Variants in PPP3CA observed in about 807,000 individuals in gnomAD.
PPP3CA encodes the protein CAM-PRP catalytic subunit.
PPP3CA carries 14 observed loss-of-function variants against 66.5 expected under a neutral mutation model. The observed-to-expected ratio is 0.21, with a 90% CI of 0.14 to 0.33. The LOEUF is 0.33. Among genes scored for constraint, PPP3CA ranks in the 10% least tolerant of loss-of-function variants. The probability of loss-of-function intolerance (pLI) is 1.00; values close to 1 mark genes in which losing one functional copy is unlikely to be tolerated. For missense variants in PPP3CA, 317 were observed against 639.5 expected (o/e 0.50, Z 5.44); for synonymous variants, 232 against 226.2 (o/e 1.03, Z -0.23).
chr4:101,340,201 A>C (rs1729770135), intron 1 of PPP3CA, among the ~76,000 whole-genome samples: 1 of 152,164 alleles, frequency 6.6e-6, no homozygotes, highest in African/African-American at 2.4e-5. Flanking sequence ...GACACAAGCA[A>C]AATTTCCAGT....
At chr4:101,199,094 G>A (rs1340302555) in intron 1 of PPP3CA, among the ~76,000 whole-genome samples, 6 of 152,070 alleles carry the variant, frequency 3.9e-5, no homozygotes, top group East Asian at 1.9e-4. Context: ...AATAAGACTG[G>A]GCTAATATTT....
chr4:101,229,844 T>C (rs1327441056), intron 1 of PPP3CA, among the ~76,000 whole-genome samples: 1 of 151,534 alleles, frequency 6.6e-6, no homozygotes, highest in Non-Finnish European at 1.5e-5. Flanking sequence ...GTAGCAGTTG[T>C]TTTTAAGGCA....
chr4:101,346,551 G>A (rs1009969270), intron 1 of PPP3CA, among the ~76,000 whole-genome samples, 188 bp downstream of exon 1: 1 of 152,068 alleles, frequency 6.6e-6, no homozygotes, highest in African/African-American at 2.4e-5. Context: ...TGGGACGCGT[G>A]GGGGAAGGGC....
At chr4:101,180,515 C>T (rs901277711) in intron 2 of PPP3CA, among the ~76,000 whole-genome samples, 3 of 152,058 alleles carry the variant, frequency 2.0e-5, no homozygotes, top group African/African-American at 7.2e-5. Context: ...GTTGTATTTC[C>T]TATTATTTAT....
At chr4:101,226,981 T>C (rs1303646686) in intron 1 of PPP3CA, among the ~76,000 whole-genome samples, 1 of 151,760 alleles carries the variant, frequency 6.6e-6, no homozygotes, top group Admixed American at 6.6e-5. Flanking sequence ...GGTACAAATG[T>C]TTATAGTTCT....
intron 10 of PPP3CA, among the ~76,000 whole-genome samples, chr4:101,043,704 C>A (rs931076083): frequency 1.3e-4 from 20 of 152,080 alleles, no homozygotes; most frequent in Non-Finnish European, 2.1e-4. Flanking sequence ...GAAACCCCGT[C>A]TCTACTAAAA....
At chr4:101,114,015 T>C (rs1163347682) in intron 2 of PPP3CA, among the ~76,000 whole-genome samples, 1 of 152,148 alleles carries the variant, frequency 6.6e-6, no homozygotes, top group African/African-American at 2.4e-5. Flanking sequence ...CACACTTAAA[T>C]GCTTCCCACA....
intron 2 of PPP3CA, among the ~76,000 whole-genome samples, chr4:101,183,814 G>C (rs1380140438): frequency 6.6e-6 from 1 of 152,030 alleles, no homozygotes; most frequent in Non-Finnish European, 1.5e-5. Flanking sequence ...GCACTGCTTT[G>C]CTTTTCCACA....
intron 1 of PPP3CA, among the ~76,000 whole-genome samples, chr4:101,283,235 T>A (rs1205931702): frequency 2.0e-5 from 3 of 152,212 alleles, no homozygotes; most frequent in African/African-American, 7.2e-5. Flanking sequence ...CAACATAGGT[T>A]CAGATTAAAG....
intron 2 of PPP3CA, among the ~76,000 whole-genome samples, chr4:101,161,026 T>C (rs1015465816): frequency 3.3e-5 from 5 of 152,146 alleles, no homozygotes; most frequent in African/African-American, 1.2e-4. Flanking sequence ...GGTAGGCCCA[T>C]AAGATTATAA....
At chr4:101,094,342 A>G (rs773636236) in intron 5 of PPP3CA, among the ~76,000 whole-genome samples, 12 of 152,084 alleles carry the variant, frequency 7.9e-5, no homozygotes, top group Non-Finnish European at 1.3e-4. Flanking sequence ...GAAAATTCCT[A>G]TTACTGCCTC....
intron 1 of PPP3CA, among the ~76,000 whole-genome samples, chr4:101,343,585 AT>A (rs56820583): frequency 0.28 from 42,953 of 151,962 alleles, 6,713 homozygotes; most frequent in East Asian, 0.5. Flanking sequence ...TTTTCTCTGA[AT>A]TTTTCTACTT....
Position 101,081,814 on chromosome 4 carries a change from A to G in PPP3CA, c.861-1188T>C, listed in dbSNP as rs190637751. 6.6e-4 allele frequency among the ~76,000 whole-genome samples: 101 copies of G among 152,326 alleles called. 1 individual carries two copies. Among genetic ancestry groups the G allele is most frequent in the African/African-American group, 2.4e-3 (98 of 41,588 alleles). ...CTTTTGAAATGTTCTAAAAGTATGT[A>G]TTCTGATTATGGAACTGAGCTTCGT... On this transcript the variant is annotated intron_variant, in intron 7 of 13. Transcript: ENST00000394854.
chr4:101,043,790 G>A (rs902109901), intron 10 of PPP3CA, among the ~76,000 whole-genome samples: 2 of 152,066 alleles, frequency 1.3e-5, no homozygotes, highest in Admixed American at 6.5e-5. Context: ...CAGGAGAATC[G>A]GTTGAACCTG....
chr4:101,193,076 C>T (rs940619659), intron 2 of PPP3CA, among the ~76,000 whole-genome samples: 1 of 152,160 alleles, frequency 6.6e-6, no homozygotes, highest in Non-Finnish European at 1.5e-5. Flanking sequence ...TTGAATACAC[C>T]TAGGTTATAT....
At chr4:101,309,552 G>GA (rs1728655225) in intron 1 of PPP3CA, among the ~76,000 whole-genome samples, 1 of 152,116 alleles carries the variant, frequency 6.6e-6, no homozygotes, top group Admixed American at 6.5e-5. Flanking sequence ...AGGACTCAGG[G>GA]AAAACATTCT....
At chr4:101,256,331 A>C (rs1353663330) in intron 1 of PPP3CA, among the ~76,000 whole-genome samples, 1 of 152,034 alleles carries the variant, frequency 6.6e-6, no homozygotes, top group Non-Finnish European at 1.5e-5. Flanking sequence ...TAGCAAAGTC[A>C]GCAATGCATA....
intron 8 of PPP3CA, among the ~76,000 whole-genome samples, chr4:101,075,156 G>A (rs999228867): frequency 3.9e-5 from 6 of 151,990 alleles, no homozygotes; most frequent in African/African-American, 1.5e-4. Flanking sequence ...TGACAGGTGG[G>A]GATTATTACA....
intron 1 of PPP3CA, among the ~76,000 whole-genome samples, chr4:101,256,791 C>T (rs1274804980): frequency 6.6e-6 from 1 of 151,866 alleles, no homozygotes; most frequent in Non-Finnish European, 1.5e-5. Context: ...ATTCAGTCAC[C>T]AATAGACTAA....
Sources: gnomAD v4.1 joint callset for allele counts (sites outside exome capture counted in the v4.1 genomes callset) on GRCh38, gnomAD v4.1.1 for gene constraint, MANE v1.5 for transcripts, NCBI Gene and HGNC (gene_info 2026-07-23, HGNC 2026-07-21) for gene names.